The following TNIK variants were observed in gnomAD, a reference collection of about 807,000 sequenced individuals.
The protein encoded by TNIK is TRAF2 and NCK interacting kinase.
Under a neutral mutation model 191.3 loss-of-function variants are expected in TNIK, and 49 were observed. That is an observed-to-expected ratio of 0.26 (90% CI 0.20 to 0.32). The LOEUF (loss-of-function observed/expected upper bound fraction) is 0.32. TNIK is among the 10% of genes least tolerant of loss of function. The pLI, the probability that TNIK is intolerant of heterozygous loss-of-function variation, is 1.00. For missense variants in TNIK, 1,155 were observed against 1,702.3 expected (o/e 0.68, Z 5.66); for synonymous variants, 594 against 600.9 (o/e 0.99, Z 0.17).
chr3:171,400,372 C>T (rs917566120), intron 1 of TNIK, among the ~76,000 whole-genome samples: 2 of 151,820 alleles, frequency 1.3e-5, no homozygotes, highest in Non-Finnish European at 2.9e-5. Context: ...TGAGACCAGC[C>T]GAGGCAGCAT....
chr3:171,193,074 A>G (rs1577081942), intron 5 of TNIK, among the ~76,000 whole-genome samples: 1 of 152,306 alleles, frequency 6.6e-6, no homozygotes, highest in East Asian at 1.9e-4. Context: ...AGTACTATTT[A>G]CTGATAAAAG....
At chr3:171,272,045 G>A (rs1237989914) in intron 2 of TNIK, among the ~76,000 whole-genome samples, 1 of 152,188 alleles carries the variant, frequency 6.6e-6, no homozygotes, top group African/African-American at 2.4e-5. Context: ...TCCATAGAAG[G>A]AGTCCATATG....
chr3:171,184,400 T>C (rs971359232), intron 7 of TNIK, among the ~76,000 whole-genome samples: 29 of 152,318 alleles, frequency 1.9e-4, no homozygotes, highest in Middle Eastern at 3.4e-3. Context: ...AGGGAAAATA[T>C]TAGAATAGCT....
intron 4 of TNIK, among the ~76,000 whole-genome samples, chr3:171,196,717 C>T (rs1316160058): frequency 1.3e-5 from 2 of 152,080 alleles, no homozygotes; most frequent in Non-Finnish European, 2.9e-5. Context: ...GAGATAATTA[C>T]AATTCTGAAT....
At chr3:171,381,201 T>C (rs1230258633) in intron 1 of TNIK, among the ~76,000 whole-genome samples, 5 of 152,188 alleles carry the variant, frequency 3.3e-5, no homozygotes, top group Non-Finnish European at 7.3e-5. Context: ...CTAAAAGCTT[T>C]TTGGCAGACT....
At chr3:171,295,321 G>C (rs1270665019) in intron 2 of TNIK, among the ~76,000 whole-genome samples, 1 of 152,120 alleles carries the variant, frequency 6.6e-6, no homozygotes, top group Non-Finnish European at 1.5e-5. Flanking sequence ...GTTTTATAAG[G>C]ATGACTTAAG....
intron 2 of TNIK, among the ~76,000 whole-genome samples, chr3:171,243,739 A>G (rs1312065090): frequency 6.6e-6 from 1 of 152,150 alleles, no homozygotes; most frequent in African/African-American, 2.4e-5. Context: ...AAAAATATGT[A>G]TTTTTATTTT....
intron 2 of TNIK, among the ~76,000 whole-genome samples, chr3:171,253,589 T>TCCCCCCCCC (rs67388870): frequency 8.2e-6 from 1 of 121,536 alleles, no homozygotes; most frequent in Non-Finnish European, 1.7e-5. Flanking sequence ...AGAAGACAGG[T>TCCCCCCCCC]CCCCCCCCCA....
intron 2 of TNIK, among the ~76,000 whole-genome samples, chr3:171,259,869 C>T (rs1361989856): frequency 6.6e-6 from 1 of 152,152 alleles, no homozygotes; most frequent in Non-Finnish European, 1.5e-5. Flanking sequence ...TTACTAAAGC[C>T]CTCAAGGTAT....
intron 2 of TNIK, among the ~76,000 whole-genome samples, chr3:171,316,972 TGA>T (rs1754691873): frequency 1.4e-5 from 2 of 139,514 alleles, no homozygotes; most frequent in African/African-American, 5.3e-5. Flanking sequence ...TATAATTATA[TGA>T]TATATATCAT....
intron 4 of TNIK, among the ~76,000 whole-genome samples, chr3:171,201,776 C>T (rs1739441440): frequency 6.6e-6 from 1 of 152,118 alleles, no homozygotes; most frequent in South Asian, 2.1e-4. Flanking sequence ...TGGCCTTTTA[C>T]ATTCATTTTT....
chr3:171,452,207 C>G (rs970620823), intron 1 of TNIK, among the ~76,000 whole-genome samples: 4 of 152,178 alleles, frequency 2.6e-5, no homozygotes, highest in African/African-American at 9.7e-5. Context: ...AAATCAGAAT[C>G]TGACAGCTGG....
intron 2 of TNIK, among the ~76,000 whole-genome samples, chr3:171,293,471 A>T (rs975610960): frequency 3.3e-5 from 5 of 152,238 alleles, no homozygotes; most frequent in Non-Finnish European, 7.3e-5. Context: ...GAATCACATA[A>T]CTATGGGGAA....
chr3:171,312,739 T>C (rs1441420244), intron 2 of TNIK, among the ~76,000 whole-genome samples: 1 of 152,180 alleles, frequency 6.6e-6, no homozygotes, highest in Non-Finnish European at 1.5e-5. Context: ...TCAGCTGGAA[T>C]GTCACGATGT....
chr3:171,459,821 C>T (rs942968119), intron 1 of TNIK, among the ~76,000 whole-genome samples, 186 bp downstream of exon 1: 2 of 152,210 alleles, frequency 1.3e-5, no homozygotes, highest in African/African-American at 4.8e-5. Context: ...ACCGCACAGC[C>T]CCTGCCGTAG....
At chr3:171,103,544 A>AGGATATTATCATCCTCC in intron 21 of TNIK, among the ~76,000 whole-genome samples, 1 of 152,294 alleles carries the variant, frequency 6.6e-6, no homozygotes, top group East Asian at 1.9e-4. Context: ...ATGAAAGAAA[A>AGGATATTATCATCCTCC]GGATATTATC....
chr3:171,243,484 A>C (rs1745226379), intron 2 of TNIK, among the ~76,000 whole-genome samples: 2 of 152,036 alleles, frequency 1.3e-5, no homozygotes, highest in Non-Finnish European at 2.9e-5. Flanking sequence ...ACACAACTCC[A>C]AAAAGCACCC....
intron 12 of TNIK, among the ~76,000 whole-genome samples, chr3:171,145,779 CTTTTT>C (rs397875512): frequency 1.4e-4 from 19 of 133,394 alleles, no homozygotes; most frequent in Non-Finnish European, 2.5e-4. Flanking sequence ...TCAGTCTTTC[CTTTTT>C]TTTTTTTTTT....
At chr3:171,068,797 A>G (rs529730427) in intron 30 of TNIK, 51 bp downstream of exon 30, 12 of 1,534,826 alleles carry the variant, frequency 7.8e-6, no homozygotes, top group Non-Finnish European at 1.1e-5. Context: ...CTCTTTCTAC[A>G]TGCAGGCTGT....
Sources: gnomAD v4.1 joint callset for allele counts (sites outside exome capture counted in the v4.1 genomes callset) on GRCh38, gnomAD v4.1.1 for gene constraint, MANE v1.5 for transcripts, NCBI Gene and HGNC (gene_info 2026-07-23, HGNC 2026-07-21) for gene names.